The following SGPP2 variants were observed in gnomAD, a reference collection of about 807,000 sequenced individuals.
The protein encoded by SGPP2 is sphingosine-1-phosphate phosphatase 2, also known as sphingosine 1-phosphate phosphohydrolase 2.
A neutral mutation model predicts 33.9 loss-of-function variants in SGPP2; 30 were observed. That is an observed-to-expected ratio of 0.89 (90% CI 0.66 to 1.20). The LOEUF (loss-of-function observed/expected upper bound fraction) is 1.20, where lower values mean the gene tolerates loss of function less well. Ranked by LOEUF, SGPP2 falls within the 50% of genes most tolerant of loss-of-function variation. SGPP2 has a pLI of 0.00. For synonymous variants in SGPP2, 233 were observed against 225.0 expected (o/e 1.04, Z -0.32); for missense variants, 458 against 532.1 (o/e 0.86, Z 1.37).
intron 4 of SGPP2, among the ~76,000 whole-genome samples, chr2:222,527,975 G>A (rs1344807119): frequency 6.6e-6 from 1 of 152,128 alleles, no homozygotes; most frequent in Non-Finnish European, 1.5e-5. Flanking sequence ...CAAGTCTACT[G>A]AAGGAGACAG....
chr2:222,427,015 C>A (rs923056084), intron 1 of SGPP2, among the ~76,000 whole-genome samples: 3 of 152,212 alleles, frequency 2.0e-5, no homozygotes, highest in African/African-American at 7.2e-5. Flanking sequence ...ACCTTCCAGC[C>A]TAGCTCCCCC....
rs74421121 is a variant in SGPP2 at position 222,453,885 on chromosome 2, T to C, written c.220-20683T>C. On this transcript the variant is annotated intron_variant, in intron 1 of 4. Transcript: ENST00000321276. Reference sequence around the variant, plus strand: ...CAAGGGTCAACTGTATTTTATGTTATATAGTTGAGGAAACGGAGGCACAGT... The same window carrying C: ...CAAGGGTCAACTGTATTTTATGTTACATAGTTGAGGAAACGGAGGCACAGT... Among the ~76,000 whole-genome samples, 47 of 152,270 alleles carry C rather than the reference T, an allele frequency of 3.1e-4. No individual in the cohort carries two copies. In the East Asian group the frequency reaches 8.1e-3, roughly 26 times the overall value.
At chr2:222,514,516 T>C (rs1698575592) in intron 2 of SGPP2, among the ~76,000 whole-genome samples, 1 of 152,202 alleles carries the variant, frequency 6.6e-6, no homozygotes, top group Non-Finnish European at 1.5e-5. Flanking sequence ...CTTGATAAAG[T>C]TCCAAATAAA....
At chr2:222,497,319 C>T (rs183132587) in intron 2 of SGPP2, among the ~76,000 whole-genome samples, 234 of 138,542 alleles carry the variant, frequency 1.7e-3, no homozygotes, top group Admixed American at 0.015. Flanking sequence ...ATGGTGCAAT[C>T]TCGGCTCACT....
chr2:222,521,504 G>A (rs10498138), intron 2 of SGPP2, among the ~76,000 whole-genome samples: 3,242 of 131,638 alleles, frequency 0.025, 106 homozygotes, highest in African/African-American at 0.11. Context: ...TATAAGCTAC[G>A]TGTTTGTTAA....
At chr2:222,503,264 T>C (rs978106438) in intron 2 of SGPP2, among the ~76,000 whole-genome samples, 11 of 152,212 alleles carry the variant, frequency 7.2e-5, no homozygotes, top group Non-Finnish European at 1.5e-4. Context: ...AGTCCTTCGG[T>C]TGTAGCTAAA....
At chr2:222,533,747 G>A (rs1198410804) in intron 4 of SGPP2, among the ~76,000 whole-genome samples, 2 of 151,734 alleles carry the variant, frequency 1.3e-5, no homozygotes, top group South Asian at 2.1e-4. Flanking sequence ...TCATACTCTC[G>A]GTCTGCCATC....
At chr2:222,435,181 G>T (rs1333997282) in intron 1 of SGPP2, among the ~76,000 whole-genome samples, 1 of 152,108 alleles carries the variant, frequency 6.6e-6, no homozygotes, top group Non-Finnish European at 1.5e-5. Flanking sequence ...GCCAGTCTGA[G>T]TTCCAAAACT....
At chr2:222,431,665 G>A (rs1014750681) in intron 1 of SGPP2, among the ~76,000 whole-genome samples, 4 of 152,180 alleles carry the variant, frequency 2.6e-5, no homozygotes, top group East Asian at 1.9e-4. Flanking sequence ...AATAGGGTTC[G>A]GGTAACCCCA....
chr2:222,515,917 G>C (rs550017685), intron 2 of SGPP2, among the ~76,000 whole-genome samples: 4 of 151,988 alleles, frequency 2.6e-5, no homozygotes, highest in African/African-American at 4.8e-5. Flanking sequence ...GTGTGGTAGC[G>C]CGTGACTGTA....
Position 222,452,625 on chromosome 2 carries a change from G to A in SGPP2, c.220-21943G>A, listed in dbSNP as rs575976310. On this transcript the variant is annotated intron_variant, in intron 1 of 4. Transcript: ENST00000321276. Reference sequence around the variant, plus strand: ...CCAGGCCTGATTGTTCCAGAACTGGGTGCACCAGGTCTGAGTGTTCCAGGA... The same window carrying A: ...CCAGGCCTGATTGTTCCAGAACTGGATGCACCAGGTCTGAGTGTTCCAGGA... The A allele has an allele frequency of 6.2e-5, 85 of 1,361,258 alleles. 1 individual carries two copies. In the South Asian group the frequency reaches 9.8e-4, roughly 16 times the overall value. The allele number at this position is 1,361,258 out of a possible 1,614,324, so 84.3% of individuals were successfully genotyped here. A position where few individuals can be genotyped will look rare whatever the true frequency, so the allele number is the denominator to read the frequency against.
intron 1 of SGPP2, chr2:222,452,802 G>T (rs1697512454): frequency 6.3e-6 from 10 of 1,580,506 alleles, no homozygotes; most frequent in Non-Finnish European, 8.7e-6. Flanking sequence ...AGGTGCTGAG[G>T]CCTGAGTCAC....
intron 2 of SGPP2, among the ~76,000 whole-genome samples, chr2:222,488,369 A>G (rs765010489): frequency 1.6e-4 from 24 of 152,224 alleles, no homozygotes; most frequent in Non-Finnish European, 3.5e-4. Flanking sequence ...CAGCAGTGGC[A>G]TTAGATTCTC....
intron 1 of SGPP2, among the ~76,000 whole-genome samples, chr2:222,453,285 A>T (rs1697520778): frequency 6.6e-6 from 1 of 152,226 alleles, no homozygotes; most frequent in Non-Finnish European, 1.5e-5. Context: ...GACAAGCTGG[A>T]TTCACACTCA....
At chr2:222,480,336 TC>T (rs1366718138) in intron 2 of SGPP2, among the ~76,000 whole-genome samples, 1 of 152,244 alleles carries the variant, frequency 6.6e-6, no homozygotes, top group Non-Finnish European at 1.5e-5. Context: ...AGCCTCATTT[TC>T]TCTGTTTTAT....
intron 2 of SGPP2, among the ~76,000 whole-genome samples, chr2:222,494,480 G>A (rs913116299): frequency 6.6e-6 from 1 of 152,212 alleles, no homozygotes; most frequent in African/African-American, 2.4e-5. Context: ...AATGCTGGGA[G>A]GAGGCAGCGG....
chr2:222,435,614 G>A (rs1370749417), intron 1 of SGPP2, among the ~76,000 whole-genome samples: 2 of 152,064 alleles, frequency 1.3e-5, no homozygotes, highest in Non-Finnish European at 2.9e-5. Context: ...AATTCACCAC[G>A]CCCCAACGCA....
chr2:222,438,808 C>T (rs1239677764), intron 1 of SGPP2, among the ~76,000 whole-genome samples: 3 of 152,226 alleles, frequency 2.0e-5, no homozygotes, highest in Non-Finnish European at 4.4e-5. Context: ...CTAATCTCCG[C>T]AGTTCCTCCA....
intron 2 of SGPP2, among the ~76,000 whole-genome samples, chr2:222,481,619 A>T (rs1216938757): frequency 6.6e-6 from 1 of 152,164 alleles, no homozygotes; most frequent in Non-Finnish European, 1.5e-5. Context: ...AGACCTCACC[A>T]TTCCCTTTAT....
Sources: gnomAD v4.1 joint callset for allele counts (sites outside exome capture counted in the v4.1 genomes callset) on GRCh38, gnomAD v4.1.1 for gene constraint, MANE v1.5 for transcripts, NCBI Gene and HGNC (gene_info 2026-07-23, HGNC 2026-07-21) for gene names.